RAB1A: variants seen among roughly 807,000 people sequenced by gnomAD.
RAB1A encodes RAB1A, member RAS oncogene family, also known as ras-related protein Rab-1A.
RAB1A carries 2 observed loss-of-function variants against 26.0 expected under a neutral mutation model. That is an observed-to-expected ratio of 0.08 (90% confidence interval 0.03 to 0.24). RAB1A has a LOEUF of 0.24. Ranked by LOEUF, RAB1A falls within the 10% of genes least tolerant of loss-of-function variation. The probability of loss-of-function intolerance (pLI) is 1.00; values close to 1 mark genes in which losing one functional copy is unlikely to be tolerated. For missense variants in RAB1A, 100 were observed against 247.0 expected (o/e 0.40, Z 3.99); for synonymous variants, 84 against 84.9 (o/e 0.99, Z 0.06).
chr2:65,094,157 A>T (rs1411416518), intron 3 of RAB1A, among the ~76,000 whole-genome samples: 1 of 151,908 alleles, frequency 6.6e-6, no homozygotes, highest in Non-Finnish European at 1.5e-5. Context: ...TTTGGTAGAG[A>T]CAGGGTTTCA....
intron 1 of RAB1A, among the ~76,000 whole-genome samples, chr2:65,108,205 T>C (rs1669608712): frequency 6.6e-6 from 1 of 150,812 alleles, no homozygotes; most frequent in Non-Finnish European, 1.5e-5. Flanking sequence ...CTACTAAAAA[T>C]ACAAAAATTA....
At chr2:65,124,037 G>T (rs1390573337) in intron 1 of RAB1A, among the ~76,000 whole-genome samples, 1 of 151,918 alleles carries the variant, frequency 6.6e-6, no homozygotes, top group Non-Finnish European at 1.5e-5. Context: ...ACCCAGGCTG[G>T]AGTGCAGTGG....
Position 65,108,636 on chromosome 2 carries a change from G to A in RAB1A, c.24-3830C>T, listed in dbSNP as rs146579791. 3.7e-3 allele frequency among the ~76,000 whole-genome samples: 555 copies of A among 151,814 alleles called. 2 individuals carry two copies. Among genetic ancestry groups the A allele is most frequent in the African/African-American group, 0.013 (523 of 41,392 alleles). ...AGCCTGGCCAACATGGTGCAATCCC[G>A]TCTTTACTAAAAATACAAAATTAGC... On this transcript the variant is annotated intron_variant, in intron 1 of 5. Coordinates refer to ENST00000409784, the MANE Select transcript of RAB1A (RefSeq NM_004161.5).
chr2:65,122,287 C>T (rs1289545461), intron 1 of RAB1A, among the ~76,000 whole-genome samples: 1 of 151,570 alleles, frequency 6.6e-6, no homozygotes, highest in Non-Finnish European at 1.5e-5. Flanking sequence ...GGGGCTCATG[C>T]CTATAATCCC....
At chr2:65,100,912 G>C (rs1178315053) in intron 2 of RAB1A, among the ~76,000 whole-genome samples, 1 of 152,010 alleles carries the variant, frequency 6.6e-6, no homozygotes, top group Non-Finnish European at 1.5e-5. Flanking sequence ...TTGGGGAGCA[G>C]AGGTGCACAT....
chr2:65,087,180 A>G lies in RAB1A; in HGVS notation c.*1313T>C, dbSNP rs1258223558. ...ACCTTAAAATGCCAGTGTGGGCAGA[A>G]GATTTTTTATTCCTCACAATTAAAA... On this transcript the variant is annotated 3_prime_UTR_variant, in exon 6 of 6. Coordinates refer to ENST00000409784, the MANE Select transcript of RAB1A (RefSeq NM_004161.5). 6.6e-6 allele frequency: 1 copy of G among 152,440 alleles called. No individual in the cohort carries two copies. Among genetic ancestry groups the G allele is most frequent in the Non-Finnish European group, 1.5e-5 (1 of 68,042 alleles). 9.4% of individuals were successfully genotyped at this position (152,440 alleles called of 1,614,324 possible).
At chr2:65,110,267 C>A (rs1017705175) in intron 1 of RAB1A, among the ~76,000 whole-genome samples, 1 of 151,960 alleles carries the variant, frequency 6.6e-6, no homozygotes, top group South Asian at 2.1e-4. Flanking sequence ...TGGTGAAACC[C>A]TGTCTCTACT....
chr2:65,119,583 A>C (rs1669906467), intron 1 of RAB1A, among the ~76,000 whole-genome samples: 1 of 151,314 alleles, frequency 6.6e-6, no homozygotes, highest in African/African-American at 2.4e-5. Flanking sequence ...AAAAACAAAA[A>C]CAAAAAAAAA....
At chr2:65,106,434 G>C in intron 1 of RAB1A, 2 of 326,810 alleles carry the variant, frequency 6.1e-6, no homozygotes, top group Non-Finnish European at 6.0e-6. Context: ...AAAGAAGAGA[G>C]GATATAAAAC....
At chr2:65,113,645 C>T (rs1669755810) in intron 1 of RAB1A, among the ~76,000 whole-genome samples, 1 of 152,090 alleles carries the variant, frequency 6.6e-6, no homozygotes, top group Admixed American at 6.6e-5. Flanking sequence ...TCTTTTCTTG[C>T]CTAAAGTACA....
chr2:65,102,036 C>G (rs1418044706), intron 2 of RAB1A, among the ~76,000 whole-genome samples: 1 of 151,940 alleles, frequency 6.6e-6, no homozygotes, highest in African/African-American at 2.4e-5. Flanking sequence ...CGTGACCCAC[C>G]ACACCCAGCC....
At chr2:65,114,758 T>C (rs941125680) in intron 1 of RAB1A, among the ~76,000 whole-genome samples, 4 of 150,680 alleles carry the variant, frequency 2.7e-5, no homozygotes, top group Non-Finnish European at 5.9e-5. Context: ...GGCAGGAGAA[T>C]GGCGTGAACC....
rs1270228673 is a variant in RAB1A, at chr2:65,096,575, T to C, written c.192+1396A>G. On this transcript the variant is annotated intron_variant, in intron 3 of 5. Transcript: ENST00000409784. Reference sequence around the variant, plus strand: ...CAGTTTTGGGTAGATCTTTATGTGCTCTTTATGGTGCCAAATAAAAGGTTG... The same window carrying C: ...CAGTTTTGGGTAGATCTTTATGTGCCCTTTATGGTGCCAAATAAAAGGTTG... 2.6e-5 allele frequency among the ~76,000 whole-genome samples: 4 copies of C among 152,192 alleles called. No homozygotes were observed. The East Asian group carries it at 7.7e-4, about 29-fold the overall frequency.
At chr2:65,119,651 C>T (rs183272124) in intron 1 of RAB1A, among the ~76,000 whole-genome samples, 35 of 150,760 alleles carry the variant, frequency 2.3e-4, no homozygotes, top group Non-Finnish European at 4.0e-4. Context: ...CAGAACCTGA[C>T]CAAATACAAA....
intron 1 of RAB1A, among the ~76,000 whole-genome samples, chr2:65,119,570 C>A (rs552840124): frequency 0.011 from 1,419 of 132,136 alleles, 31 homozygotes; most frequent in African/African-American, 0.046. Context: ...CAAAAAAAAA[C>A]AAAAAAACAA....
chr2:65,098,830 G>C (rs1669350152), intron 2 of RAB1A, among the ~76,000 whole-genome samples: 1 of 61,220 alleles, frequency 1.6e-5, no homozygotes, highest in South Asian at 5.6e-4. Flanking sequence ...CCATGTAACA[G>C]TACTTCTTTT....
chr2:65,093,295 ACTATGTTTTAT>A (rs2103826059), intron 3 of RAB1A, among the ~76,000 whole-genome samples: 1 of 152,250 alleles, frequency 6.6e-6, no homozygotes, highest in Non-Finnish European at 1.5e-5. Flanking sequence ...CTCCTAATGG[ACTATGTTTTAT>A]TCATCTCTGT....
At chr2:65,113,304 T>G (rs1669744788) in intron 1 of RAB1A, among the ~76,000 whole-genome samples, 1 of 152,180 alleles carries the variant, frequency 6.6e-6, no homozygotes, top group South Asian at 2.1e-4. Flanking sequence ...CGCTGATGTA[T>G]GTACCTACGC....
intron 1 of RAB1A, among the ~76,000 whole-genome samples, chr2:65,119,353 C>G (rs1255542813): frequency 6.6e-6 from 1 of 151,706 alleles, no homozygotes; most frequent in Non-Finnish European, 1.5e-5. Context: ...TAAAAATACA[C>G]AAAATTAGCC....
Sources: gnomAD v4.1 joint callset for allele counts (sites outside exome capture counted in the v4.1 genomes callset) on GRCh38, gnomAD v4.1.1 for gene constraint, MANE v1.5 for transcripts, NCBI Gene and HGNC (gene_info 2026-07-23, HGNC 2026-07-21) for gene names.